The following IGSF3 variants were observed in gnomAD, a reference collection of about 807,000 sequenced individuals.
The protein encoded by IGSF3 is immunoglobulin superfamily member 3.
A neutral mutation model predicts 114.4 loss-of-function variants in IGSF3; 23 were observed. That is an observed-to-expected ratio of 0.20 (90% CI 0.14 to 0.28). The LOEUF is 0.28. Ranked by LOEUF, IGSF3 falls within the 10% of genes least tolerant of loss-of-function variation. The pLI is 1.00. For synonymous variants in IGSF3, 571 were observed against 645.2 expected, an observed-to-expected ratio of 0.88 and a Z score of 1.74; for missense variants, 1,172 against 1,591.5, an observed-to-expected ratio of 0.74 and a Z score of 4.48.
At position 116,655,007 on chromosome 1, in the gene IGSF3, A is replaced by C. The variant is rs1263330310; in HGVS notation, c.43+11277T>G. On this transcript the variant is annotated intron_variant, in intron 2 of 10. Transcript: ENST00000369486. This position sits in a 1 kb window ranked among gnomAD's most constrained non-coding sequence, Gnocchi z 4.3. ...GAGCTGAGAACAAAACAGGAAGAAA[A>C]GAGGTTAAGTAATGGCAAGAAAAAA... Among the ~76,000 whole-genome samples, 1 of 152,058 alleles carries C rather than the reference A, an allele frequency of 6.6e-6. No homozygotes were observed. The highest frequency in any genetic ancestry group is 2.4e-5 in the African/African-American group (1 of 41,310).
At position 116,647,396 on chromosome 1, in the gene IGSF3, C is replaced by T. The variant is rs1364137882; in HGVS notation, c.43+18888G>A. ...TCGCAACTATGTGCTGAGTGTGGCC[C>T]AAATTCCAGCTCCAAATGGTCACAC... On this transcript the variant is annotated intron_variant, in intron 2 of 10. Coordinates refer to ENST00000369486, the MANE Select transcript of IGSF3 (RefSeq NM_001007237.3). The surrounding 1 kb of genome is among the most constrained non-coding windows in gnomAD (Gnocchi z 4.6). Among the ~76,000 whole-genome samples, 4 of 152,188 alleles carry T rather than the reference C, an allele frequency of 2.6e-5. No homozygotes were observed. Among genetic ancestry groups the T allele is most frequent in the South Asian group, 4.1e-4 (2 of 4,832 alleles).
Position 116,588,895 on chromosome 1 carries a change from C to T in IGSF3, c.2239G>A (p.Glu747Lys), listed in dbSNP as rs1264237187. 1 of 1,614,100 alleles carries T rather than the reference C, an allele frequency of 6.2e-7. No homozygotes were observed. The highest frequency in any genetic ancestry group is 8.5e-7 in the Non-Finnish European group (1 of 1,180,048). The change falls in exon 8 of 11, where the codon GAG (glutamate) becomes AAG (lysine). Residue 747 changes from glutamate to lysine, a missense_variant. Physicochemically the swap from Glu to Lys is moderately conservative, Grantham distance 56. Transcript: ENST00000369486. The surrounding 1 kb of genome is among the most constrained non-coding windows in gnomAD (Gnocchi z 4.9). ...TGGAGCCTGGCTCTCAGGCCCTCCT[C>T]CTCGGCGTAAGTACCGTATTCAAAG... ...SAFEYGTYAE[E>K]EGLRARLQFE...
Position 116,633,612 on chromosome 1 carries a change from GCT to G in IGSF3, c.44-17157_44-17156del, listed in dbSNP as rs375675269. ...ACAATCATGGGGACCTCTTCTTTCA[GCT>G]TTGGAGCCCCCTTCCCTCTGTCTCT... On this transcript the variant is annotated intron_variant, in intron 2 of 10. Transcript: ENST00000369486. This position sits in a 1 kb window ranked among gnomAD's most constrained non-coding sequence, Gnocchi z 4.3. 3.2e-3 allele frequency among the ~76,000 whole-genome samples: 491 copies of G among 152,250 alleles called. 4 individuals are homozygous for G. The highest frequency in any genetic ancestry group is 0.011 in the African/African-American group (459 of 41,532).
rs560728571 is a variant in IGSF3 at position 116,633,016 on chromosome 1, A to G, written c.44-16559T>C. On this transcript the variant is annotated intron_variant, in intron 2 of 10. Transcript: ENST00000369486. The surrounding 1 kb of genome is among the most constrained non-coding windows in gnomAD (Gnocchi z 4.3). ...AGTGACGAATTTTGTGGACACTTAC[A>G]GAGAAAAAAATAGCTTCAAATGCTA... is the stretch of plus-strand genomic sequence containing the variant. Among the ~76,000 whole-genome samples, 6 of 152,268 alleles carry G rather than the reference A, an allele frequency of 3.9e-5. No homozygotes were observed. The highest frequency in any genetic ancestry group is 5.9e-5 in the Non-Finnish European group (4 of 68,048).
In IGSF3 at chr1:116,574,874, T is replaced by C. The variant is rs1319552307; in HGVS notation, c.*2438A>G. ...AGAAAGAAGGTCCTGGGGTTTTTCA[T>C]AGAAAGCTCAAAAAGTTCAACCTTT... is the stretch of plus-strand genomic sequence containing the variant. On this transcript the variant is annotated 3_prime_UTR_variant, in exon 11 of 11. Coordinates refer to ENST00000369486, the MANE Select transcript of IGSF3 (RefSeq NM_001007237.3). This position sits in a 1 kb window ranked among gnomAD's most constrained non-coding sequence, Gnocchi z 5.2. The C allele has an allele frequency of 2.0e-5, 3 of 152,648 alleles. No individual in the cohort carries two copies. The highest frequency in any genetic ancestry group is 4.4e-5 in the Non-Finnish European group (3 of 68,036). 9.5% of individuals were successfully genotyped at this position (152,648 alleles called of 1,614,324 possible). A position where few individuals can be genotyped will look rare whatever the true frequency, so the allele number is the denominator to read the frequency against.
intron 8 of IGSF3, among the ~76,000 whole-genome samples, chr1:116,587,196 T>C (rs1000035330): frequency 3.3e-5 from 5 of 152,108 alleles, no homozygotes; most frequent in African/African-American, 7.2e-5. Flanking sequence ...GTAGAAGAGA[T>C]AGAAAACAAA....
intron 2 of IGSF3, among the ~76,000 whole-genome samples, chr1:116,623,226 G>GC (rs1239182505): frequency 6.6e-6 from 1 of 152,214 alleles, no homozygotes; most frequent in Non-Finnish European, 1.5e-5. Flanking sequence ...AGGACAGCCA[G>GC]CACTTACTGA....
chr1:116,643,115 C>A lies in IGSF3; in HGVS notation c.43+23169G>T, dbSNP rs1648183149. 2.0e-5 allele frequency among the ~76,000 whole-genome samples: 3 copies of A among 152,188 alleles called. 1 individual carries two copies. In the South Asian group the frequency reaches 6.2e-4, roughly 32 times the overall value. On this transcript the variant is annotated intron_variant, in intron 2 of 10. Coordinates refer to ENST00000369486, the MANE Select transcript of IGSF3 (RefSeq NM_001007237.3). ...CACCAGGGTCATGGTGCAGGCTCCG[C>A]TGTTGAGTCTCATTCCCCAAACACA... is the stretch of plus-strand genomic sequence containing the variant.
Position 116,624,495 on chromosome 1 carries a change from G to A in IGSF3, c.44-8038C>T, listed in dbSNP as rs1185161350. 2.6e-5 allele frequency among the ~76,000 whole-genome samples: 4 copies of A among 152,240 alleles called. No individual in the cohort carries two copies. Among genetic ancestry groups the A allele is most frequent in the Admixed American group, 2.0e-4 (3 of 15,286 alleles). Reference sequence around the variant, plus strand: ...GGCACACAATAAGTGCTCAATAAATGTTTAGCCACTAGTTGCAGTAGTAGC... The same window carrying A: ...GGCACACAATAAGTGCTCAATAAATATTTAGCCACTAGTTGCAGTAGTAGC... On this transcript the variant is annotated intron_variant, in intron 2 of 10. Coordinates refer to ENST00000369486, the MANE Select transcript of IGSF3 (RefSeq NM_001007237.3). The surrounding 1 kb of genome is among the most constrained non-coding windows in gnomAD (Gnocchi z 4.9).
At position 116,603,418 on chromosome 1, in the gene IGSF3, T is replaced by C. The variant is rs2101445942; in HGVS notation, c.1624+206A>G. 6.6e-6 allele frequency among the ~76,000 whole-genome samples: 1 copy of C among 152,302 alleles called. No homozygotes were observed. Among genetic ancestry groups the C allele is most frequent in the Non-Finnish European group, 1.5e-5 (1 of 68,014 alleles). The stretch of plus-strand genomic sequence containing the variant: ...CAGGAGCCCCATCATCCACTGTGGG[T>C]CCCTCAGTCCCTGCTAGCACTATCT... On this transcript the variant is annotated intron_variant, in intron 6 of 10. Coordinates refer to ENST00000369486, the MANE Select transcript of IGSF3 (RefSeq NM_001007237.3). The surrounding 1 kb of genome is among the most constrained non-coding windows in gnomAD (Gnocchi z 7.1).
chr1:116,630,810 A>G (rs1647540023), intron 2 of IGSF3, among the ~76,000 whole-genome samples: 2 of 152,134 alleles, frequency 1.3e-5, no homozygotes, highest in African/African-American at 2.4e-5. Flanking sequence ...ATGAGTAGGT[A>G]TTTCTGCTAG....
chr1:116,617,032 G>A lies in IGSF3; in HGVS notation c.44-575C>T, dbSNP rs1464236295. On this transcript the variant is annotated intron_variant, in intron 2 of 10. Transcript: ENST00000369486. ...AGTTTCTCTTCCCTCCATAAATGGA[G>A]GCAGAGCTAAGCTCCTGCAGGCTGC... Among the ~76,000 whole-genome samples the A allele has an allele frequency of 5.9e-5, 9 of 152,238 alleles. No homozygotes were observed. The South Asian group carries it at 1.9e-3, about 32-fold the overall frequency.
In IGSF3 at chr1:116,613,900, T is replaced by C. The variant is rs771325369; in HGVS notation, c.697A>G (p.Ile233Val). ...TGGTCAGAAGGCTGCAGGTGGAAGA[T>C]GGTGAGGCGGAAGGTGGTCCTCCCC... is the stretch of plus-strand genomic sequence containing the variant. ...KLGRTTFRLT[I>V]FHLQPSDQGE... The change falls in exon 4 of 11, where the codon ATC becomes GTC. Residue 233 changes from isoleucine (I) to valine (V), a missense_variant. Ile to Val is a conservative substitution (Grantham distance 29). This residue lies in a region of IGSF3 where 736 missense variants were observed against 1,042.0 expected (regional missense o/e 0.71). Transcript: ENST00000369486. The C allele has an allele frequency of 2.0e-5, 32 of 1,613,926 alleles. No individual in the cohort carries two copies. In the South Asian group the frequency reaches 3.2e-4, roughly 16 times the overall value.
rs1409446844 is a variant in IGSF3 at position 116,647,727 on chromosome 1, C to T, written c.43+18557G>A. On this transcript the variant is annotated intron_variant, in intron 2 of 10. Transcript: ENST00000369486. This position sits in a 1 kb window ranked among gnomAD's most constrained non-coding sequence, Gnocchi z 4.6. ...GGAACAAGACAAACAAACGAAAGGC[C>T]GACTGACAGACCACTCGGGTAGCAC... 9.2e-5 allele frequency among the ~76,000 whole-genome samples: 14 copies of T among 152,314 alleles called. No homozygotes were observed. The East Asian group carries it at 2.1e-3, about 23-fold the overall frequency.
Position 116,585,764 on chromosome 1 carries a change from A to C in IGSF3, c.2441-712T>G, listed in dbSNP as rs1659817846. ...CAATGAAACCCCATCTCTACTAAAAATACAAAAATTAGCCAGGTGTGGTGG... is the reference window on the plus strand; with the variant it reads ...CAATGAAACCCCATCTCTACTAAAACTACAAAAATTAGCCAGGTGTGGTGG... On this transcript the variant is annotated intron_variant, in intron 8 of 10. Coordinates refer to ENST00000369486, the MANE Select transcript of IGSF3 (RefSeq NM_001007237.3). This position sits in a 1 kb window ranked among gnomAD's most constrained non-coding sequence, Gnocchi z 4.9. Among the ~76,000 whole-genome samples the C allele has an allele frequency of 6.6e-6, 1 of 152,218 alleles. No individual in the cohort carries two copies. The highest frequency in any genetic ancestry group is 2.4e-5 in the African/African-American group (1 of 41,456).
rs1648894742 is a variant in IGSF3 at position 116,657,202 on chromosome 1, T to C, written c.43+9082A>G. ...TTGTATCTGGCTGGGATAGGGTAGG[T>C]GTGATCTGACCCACAGCAAATGATG... On this transcript the variant is annotated intron_variant, in intron 2 of 10. Transcript: ENST00000369486. The surrounding 1 kb of genome is among the most constrained non-coding windows in gnomAD (Gnocchi z 4.2). 6.6e-6 allele frequency among the ~76,000 whole-genome samples: 1 copy of C among 152,202 alleles called. No individual in the cohort carries two copies. The highest frequency in any genetic ancestry group is 6.5e-5 in the Admixed American group (1 of 15,268).
Position 116,653,036 on chromosome 1 carries a change from C to T in IGSF3, c.43+13248G>A, listed in dbSNP as rs552991249. Among the ~76,000 whole-genome samples the T allele has an allele frequency of 2.6e-5, 4 of 152,344 alleles. No homozygotes were observed. The East Asian group carries it at 5.8e-4, about 22-fold the overall frequency. ...AAACCTGTCCCCAGCAAGGAAGACA[C>T]CCAGTCTCTCCAAAGGATGCCAAAG... is the stretch of plus-strand genomic sequence containing the variant. On this transcript the variant is annotated intron_variant, in intron 2 of 10. Coordinates refer to ENST00000369486, the MANE Select transcript of IGSF3 (RefSeq NM_001007237.3).
Position 116,608,144 on chromosome 1 carries a change from A to G in IGSF3, c.1020T>C (p.Phe340=), listed in dbSNP as rs1660866824. The stretch of plus-strand genomic sequence containing the variant: ...GCTGTCCCCTGGCTTCCCGGTGAGC[A>G]AATTCGCTGTTGAGGACAGGCACAG... ...PNAVPVLNSE[F]AHREARGQLK... The change falls in exon 5 of 11, where the codon TTT becomes TTC. Residue 340 remains phenylalanine, a synonymous_variant. Transcript: ENST00000369486. 2 of 1,613,744 alleles carry G rather than the reference A, an allele frequency of 1.2e-6. No individual in the cohort carries two copies. Among genetic ancestry groups the G allele is most frequent in the East Asian group, 4.5e-5 (2 of 44,888 alleles).
chr1:116,645,259 G>C (rs1486738426), intron 2 of IGSF3, among the ~76,000 whole-genome samples: 2 of 152,246 alleles, frequency 1.3e-5, no homozygotes, highest in African/African-American at 2.4e-5. Flanking sequence ...GATTCAAAGG[G>C]CTACACACTG....
Sources: gnomAD v4.1 joint callset for allele counts (sites outside exome capture counted in the v4.1 genomes callset) on GRCh38, gnomAD v4.1.1 for gene constraint, gnomAD v4.1.1 regional missense constraint, Gnocchi (gnomAD v3.1) non-coding constraint, MANE v1.5 for transcripts, NCBI Gene and HGNC (gene_info 2026-07-23, HGNC 2026-07-21) for gene names.